The following SMYD3 variants were observed in gnomAD, a reference collection of about 807,000 sequenced individuals.
The protein encoded by SMYD3 is histone-lysine N-methyltransferase SMYD3.
Under a neutral mutation model 57.7 loss-of-function variants are expected in SMYD3, and 36 were observed. The observed-to-expected ratio is 0.62, with a 90% confidence interval of 0.48 to 0.82. The LOEUF (loss-of-function observed/expected upper bound fraction) is 0.82. Among genes scored for constraint, SMYD3 ranks in the 40% least tolerant of loss-of-function variants. The pLI is 0.00. For missense variants in SMYD3, 515 were observed against 538.8 expected, an observed-to-expected ratio of 0.96 and a Z score of 0.44; for synonymous variants, 211 against 195.0, an observed-to-expected ratio of 1.08 and a Z score of -0.68.
At chr1:245,839,797 CAG>C (rs1246543269) in intron 10 of SMYD3, among the ~76,000 whole-genome samples, 4 of 150,232 alleles carry the variant, frequency 2.7e-5, no homozygotes, top group Non-Finnish European at 5.9e-5. Flanking sequence ...AATTAATAAG[CAG>C]GGGGAAAAAT....
At chr1:246,214,056 T>C (rs2148401829) in intron 5 of SMYD3, among the ~76,000 whole-genome samples, 1 of 152,286 alleles carries the variant, frequency 6.6e-6, no homozygotes, top group South Asian at 2.1e-4. Flanking sequence ...TTAGGTACTG[T>C]TCCAGAATTA....
intron 10 of SMYD3, among the ~76,000 whole-genome samples, chr1:245,823,513 G>A (rs12030297): frequency 0.16 from 23,937 of 152,210 alleles, 2,115 homozygotes; most frequent in East Asian, 0.26. Flanking sequence ...CAAATGCATT[G>A]TTCAGGCAAA....
At chr1:246,021,375 T>C (rs2059468278) in intron 5 of SMYD3, among the ~76,000 whole-genome samples, 1 of 152,150 alleles carries the variant, frequency 6.6e-6, no homozygotes, top group Non-Finnish European at 1.5e-5. Context: ...GTGGTACAGA[T>C]GGTATATTCT....
intron 8 of SMYD3, among the ~76,000 whole-genome samples, chr1:245,906,037 C>T (rs2054539406): frequency 6.6e-6 from 1 of 152,134 alleles, no homozygotes; most frequent in African/African-American, 2.4e-5. Flanking sequence ...AACTATAAAA[C>T]TACTACAAGA....
intron 5 of SMYD3, among the ~76,000 whole-genome samples, chr1:246,249,674 AT>A (rs2063770609): frequency 6.6e-6 from 1 of 152,184 alleles, no homozygotes; most frequent in African/African-American, 2.4e-5. Flanking sequence ...AACATGAAAA[AT>A]ATAATTTCTG....
chr1:245,757,736 T>C (rs2045669158), intron 11 of SMYD3, among the ~76,000 whole-genome samples: 2 of 152,150 alleles, frequency 1.3e-5, no homozygotes, highest in South Asian at 2.1e-4. Flanking sequence ...TTTGATCATA[T>C]ATGCGAGGGT....
intron 5 of SMYD3, among the ~76,000 whole-genome samples, chr1:246,053,707 C>T (rs1269701553): frequency 6.6e-6 from 1 of 151,518 alleles, no homozygotes. Flanking sequence ...TCCTGCTACT[C>T]GAGAGGCTGA....
intron 2 of SMYD3, among the ~76,000 whole-genome samples, 199 bp from the exon 3 acceptor site, chr1:246,335,673 C>T (rs192915704): frequency 6.6e-6 from 1 of 152,176 alleles, no homozygotes; most frequent in Admixed American, 6.5e-5. Context: ...TATGCAAGGA[C>T]ATTAAAAGCC....
intron 1 of SMYD3, among the ~76,000 whole-genome samples, chr1:246,489,080 T>C (rs368884335): frequency 1.4e-4 from 21 of 152,036 alleles, no homozygotes; most frequent in African/African-American, 5.1e-4. Context: ...GGCGCGGTGG[T>C]TCACACCTGT....
chr1:246,234,370 C>A lies in SMYD3; in HGVS notation c.531+92831G>T, dbSNP rs181731303. ...ATGGAGGAGAAGCACTCCTTCAGTT[C>A]ATACTGTGATGAACATATACCACAC... On this transcript the variant is annotated intron_variant, in intron 5 of 11. Coordinates refer to ENST00000490107, the MANE Select transcript of SMYD3 (RefSeq NM_001167740.2). Among the ~76,000 whole-genome samples the A allele has an allele frequency of 2.1e-3, 321 of 152,280 alleles. 2 individuals carry two copies. The highest frequency in any genetic ancestry group is 7.3e-3 in the African/African-American group (305 of 41,544).
chr1:246,140,480 G>A (rs1313221928), intron 5 of SMYD3, among the ~76,000 whole-genome samples: 1 of 152,230 alleles, frequency 6.6e-6, no homozygotes, highest in African/African-American at 2.4e-5. Context: ...CTGCAGCTGT[G>A]CAACAGAGAA....
intron 1 of SMYD3, among the ~76,000 whole-genome samples, chr1:246,412,138 T>G (rs1447466240): frequency 6.6e-6 from 1 of 152,186 alleles, no homozygotes; most frequent in Non-Finnish European, 1.5e-5. Context: ...TACTACCAAA[T>G]CATCTCAAAC....
At chr1:246,273,141 T>TTTTTTC (rs1474753838) in intron 5 of SMYD3, among the ~76,000 whole-genome samples, 5 of 133,584 alleles carry the variant, frequency 3.7e-5, no homozygotes, top group East Asian at 2.3e-4. Context: ...TTTTCTTTTT[T>TTTTTTC]TTTTTTTTTT....
rs1282602659 is a variant in SMYD3, at chr1:246,498,450, T to C, written c.164+8604A>G. Among the ~76,000 whole-genome samples the C allele has an allele frequency of 2.6e-5, 4 of 152,028 alleles. No homozygotes were observed. In the East Asian group the frequency reaches 7.7e-4, roughly 29 times the overall value. ...AGAATGGAAAATAAGAACACACATA[T>C]AGGCCGGGCACAGTGGCTCACGCCT... On this transcript the variant is annotated intron_variant, in intron 1 of 11. Transcript: ENST00000490107.
intron 5 of SMYD3, among the ~76,000 whole-genome samples, chr1:246,061,252 A>G (rs2060247617): frequency 6.6e-6 from 1 of 152,156 alleles, no homozygotes; most frequent in Non-Finnish European, 1.5e-5. Flanking sequence ...AAATGTCTCA[A>G]GTGCTTAAAT....
intron 5 of SMYD3, among the ~76,000 whole-genome samples, chr1:245,957,073 T>C (rs1178797978): frequency 1.3e-5 from 2 of 152,126 alleles, no homozygotes; most frequent in Non-Finnish European, 2.9e-5. Context: ...AAACCACCAA[T>C]AGGCATGTAT....
chr1:246,033,537 G>C (rs1000437951), intron 5 of SMYD3, among the ~76,000 whole-genome samples: 46 of 152,176 alleles, frequency 3.0e-4, no homozygotes, highest in African/African-American at 9.9e-4. Flanking sequence ...TGTAATCCCA[G>C]CACTTTGGGA....
intron 5 of SMYD3, among the ~76,000 whole-genome samples, chr1:245,950,882 A>T (rs896924852): frequency 1.5e-4 from 23 of 152,212 alleles, no homozygotes; most frequent in African/African-American, 5.3e-4. Context: ...CGCTCTCTCT[A>T]AATAACAGAG....
intron 5 of SMYD3, among the ~76,000 whole-genome samples, chr1:246,197,068 G>A (rs899421550): frequency 4.0e-5 from 6 of 151,800 alleles, no homozygotes; most frequent in Admixed American, 6.6e-5. Context: ...AGTTCCCTGC[G>A]GCCAAAAGTT....
Sources: gnomAD v4.1 joint callset for allele counts (sites outside exome capture counted in the v4.1 genomes callset) on GRCh38, gnomAD v4.1.1 for gene constraint, MANE v1.5 for transcripts, NCBI Gene and HGNC (gene_info 2026-07-23, HGNC 2026-07-21) for gene names.